TRDMT1: variants seen among roughly 807,000 people sequenced by gnomAD.
TRDMT1 encodes the protein tRNA aspartic acid methyltransferase 1.
Under a neutral mutation model 51.2 loss-of-function variants are expected in TRDMT1, and 49 were observed. The observed-to-expected ratio is 0.96, with a 90% CI of 0.76 to 1.21. TRDMT1 has a LOEUF of 1.21. TRDMT1 is among the 50% of genes most tolerant of loss of function. The pLI, the probability that TRDMT1 is intolerant of heterozygous loss-of-function variation, is 0.00. For missense variants in TRDMT1, 534 were observed against 462.3 expected, an observed-to-expected ratio of 1.16 and a Z score of -1.42; for synonymous variants, 187 against 164.6, an observed-to-expected ratio of 1.14 and a Z score of -1.04.
chr10:17,138,839 CA>C lies in TRDMT1; in HGVS notation c.*10200del. ...AAATTCAAATCCAGAGGGACAAACGCAATAGGGGAATAGGGCTTTGGAGGAG... is the reference window on the plus strand; with the variant it reads ...AAATTCAAATCCAGAGGGACAAACGCATAGGGGAATAGGGCTTTGGAGGAG... On this transcript the variant is annotated 3_prime_UTR_variant, in exon 11 of 11. Coordinates refer to ENST00000377799, the MANE Select transcript of TRDMT1 (RefSeq NM_004412.7). Among the ~76,000 whole-genome samples, 1 of 151,776 alleles carries C rather than the reference CA, an allele frequency of 6.6e-6. No individual in the cohort carries two copies. The highest frequency in any genetic ancestry group is 6.6e-5 in the Admixed American group (1 of 15,248).
intron 10 of TRDMT1, chr10:17,150,476 G>T (rs1588698653): frequency 4.1e-6 from 4 of 985,274 alleles, no homozygotes; most frequent in Non-Finnish European, 4.8e-6. Context: ...AAGGCCCATG[G>T]ATCCCTTATA....
In TRDMT1 at chr10:17,144,872, A is replaced by G. The variant is rs890595022; in HGVS notation, c.*4168T>C. On this transcript the variant is annotated 3_prime_UTR_variant, in exon 11 of 11. Transcript: ENST00000377799. ...ACCAGCAAAGACAAGAAATAGTGAA[A>G]GGGAAAATGATGCACACAGGTTGAC... 9 of 985,252 alleles carry G rather than the reference A, an allele frequency of 9.1e-6. No homozygotes were observed. Among genetic ancestry groups the G allele is most frequent in the Non-Finnish European group, 1.1e-5 (9 of 829,934 alleles). 61.0% of individuals were successfully genotyped at this position (985,252 alleles called of 1,614,324 possible). A position where few individuals can be genotyped will look rare whatever the true frequency, so the allele number is the denominator to read the frequency against.
chr10:17,190,786 T>C (rs1844589967), intron 1 of TRDMT1, among the ~76,000 whole-genome samples: 1 of 152,186 alleles, frequency 6.6e-6, no homozygotes, highest in Non-Finnish European at 1.5e-5. Context: ...CATTCACGCA[T>C]TCAACAAGTA....
chr10:17,186,913 A>G (rs1423493066), intron 1 of TRDMT1, among the ~76,000 whole-genome samples: 1 of 152,226 alleles, frequency 6.6e-6, no homozygotes, highest in Non-Finnish European at 1.5e-5. Flanking sequence ...AAGTAAAGAA[A>G]GAAAGCTATA....
intron 8 of TRDMT1, 139 bp from the exon 9 acceptor site, chr10:17,154,873 C>T: frequency 1.4e-6 from 1 of 697,224 alleles, no homozygotes; most frequent in Non-Finnish European, 2.2e-6. Flanking sequence ...CATAAATATC[C>T]TTTGTAGGTA....
intron 8 of TRDMT1, among the ~76,000 whole-genome samples, chr10:17,155,096 G>A (rs778400197): frequency 4.6e-5 from 7 of 151,932 alleles, no homozygotes; most frequent in Non-Finnish European, 7.4e-5. Flanking sequence ...GTGGTGGTGC[G>A]TGCCTACCTC....
intron 1 of TRDMT1, among the ~76,000 whole-genome samples, chr10:17,180,657 T>C (rs187842427): frequency 1.2e-4 from 19 of 152,250 alleles, no homozygotes; most frequent in African/African-American, 3.4e-4. Flanking sequence ...CTTATAACTG[T>C]CTATTAGGAG....
At chr10:17,158,624 A>C (rs2131413388) in intron 7 of TRDMT1, among the ~76,000 whole-genome samples, 1 of 152,282 alleles carries the variant, frequency 6.6e-6, no homozygotes. Flanking sequence ...AAAACTGCTC[A>C]CATAATTAGA....
chr10:17,193,059 C>T (rs1232348402), intron 1 of TRDMT1, among the ~76,000 whole-genome samples: 4 of 152,074 alleles, frequency 2.6e-5, no homozygotes, highest in African/African-American at 9.7e-5. Context: ...CCAGAGCAAT[C>T]CCTCAACAGA....
chr10:17,157,662 A>C lies in TRDMT1; in HGVS notation c.666T>G (p.Cys222Trp). The stretch of plus-strand genomic sequence containing the variant: ...TAAAAAGAATGGCATCTTTTCCAGA[A>C]CACTGTATGCTGCCATCAAAGCTAA... The part of the protein sequence containing the change: ...PNISFDGSIQ[C>W]SGKDAILFKL... Residue 222 changes from cysteine (C) to tryptophan (W), a missense_variant, in exon 8 of 11, where the codon TGT becomes TGG. Physicochemically the swap from Cys to Trp is radical, Grantham distance 215 (BLOSUM62 -2). Transcript: ENST00000377799. The C allele has an allele frequency of 6.2e-7, 1 of 1,613,568 alleles. No individual in the cohort carries two copies. The highest frequency in any genetic ancestry group is 8.5e-7 in the Non-Finnish European group (1 of 1,179,724).
rs1010794263 is a variant in TRDMT1 at position 17,147,430 on chromosome 10, T to C, written c.*1610A>G. 8.5e-6 allele frequency: 7 copies of C among 823,508 alleles called. No individual in the cohort carries two copies. Among genetic ancestry groups the C allele is most frequent in the Non-Finnish European group, 1.0e-5 (7 of 682,438 alleles). The allele number at this position is 823,508 out of a possible 1,614,324, so 51.0% of individuals were successfully genotyped here. On this transcript the variant is annotated 3_prime_UTR_variant, in exon 11 of 11. Transcript: ENST00000377799. ...AATGTAAAATTTATCATTTTAACTA[T>C]TTTTAAATATACAGTTGCAGTGGCA...
chr10:17,199,778 C>T (rs1010085778), intron 1 of TRDMT1, among the ~76,000 whole-genome samples: 3 of 152,170 alleles, frequency 2.0e-5, no homozygotes, highest in African/African-American at 7.2e-5. Flanking sequence ...AGGAGAGAAG[C>T]TGGGAAGCTA....
chr10:17,161,019 G>A (rs1332901824), intron 5 of TRDMT1, among the ~76,000 whole-genome samples: 3 of 152,152 alleles, frequency 2.0e-5, no homozygotes, highest in Non-Finnish European at 4.4e-5. Flanking sequence ...TCAGATGGGA[G>A]CACTGTTACA....
rs1192932115 is a variant in TRDMT1, at chr10:17,141,520, T to C, written c.*7520A>G. Among the ~76,000 whole-genome samples the C allele has an allele frequency of 1.4e-5, 2 of 141,662 alleles. No individual in the cohort carries two copies. Among genetic ancestry groups the C allele is most frequent in the African/African-American group, 5.2e-5 (2 of 38,598 alleles). The allele number at this position is 141,662 out of a possible 152,430, so 92.9% of individuals were successfully genotyped here. Reference sequence around the variant, plus strand: ...GTTTCCAGCCATTATTTAAATGCTCTTTCAGCTCCATTTTTTTCCCCTCTA... The same window carrying C: ...GTTTCCAGCCATTATTTAAATGCTCCTTCAGCTCCATTTTTTTCCCCTCTA... On this transcript the variant is annotated 3_prime_UTR_variant, in exon 11 of 11. Coordinates refer to ENST00000377799, the MANE Select transcript of TRDMT1 (RefSeq NM_004412.7).
intron 6 of TRDMT1, among the ~76,000 whole-genome samples, chr10:17,160,057 T>C (rs1840098922): frequency 6.6e-6 from 1 of 152,162 alleles, no homozygotes; most frequent in African/African-American, 2.4e-5. Context: ...ATGCTATCCT[T>C]TGCTCTCTAA....
rs372670283 is a variant in TRDMT1 at position 17,185,204 on chromosome 10, G to C, written c.65-10544C>G. Among the ~76,000 whole-genome samples, 9 of 152,256 alleles carry C rather than the reference G, an allele frequency of 5.9e-5. No homozygotes were observed. The South Asian group carries it at 1.9e-3, about 32-fold the overall frequency. ...CCATTATTATTATTGAAAGTGCAAAGACTTTTTAAAAATGAGAATATCAAA... is the reference window on the plus strand; with the variant it reads ...CCATTATTATTATTGAAAGTGCAAACACTTTTTAAAAATGAGAATATCAAA... On this transcript the variant is annotated intron_variant, in intron 1 of 10. Transcript: ENST00000377799.
chr10:17,169,281 T>TG, intron 2 of TRDMT1: 1 of 1,095,526 alleles, frequency 9.1e-7, no homozygotes, highest in Non-Finnish European at 1.2e-6. Context: ...TTCATGGAGA[T>TG]GGGGTCTAGG....
intron 9 of TRDMT1, 99 bp from the exon 10 acceptor site, chr10:17,153,735 C>T: frequency 7.8e-7 from 1 of 1,284,248 alleles, no homozygotes. Context: ...ATACAGTCTG[C>T]TGTAACACAC....
chr10:17,157,947 C>T (rs1352004282), intron 7 of TRDMT1, among the ~76,000 whole-genome samples, 163 bp from the exon 8 acceptor site: 2 of 151,950 alleles, frequency 1.3e-5, no homozygotes, highest in East Asian at 1.9e-4. Flanking sequence ...AGTTATTACA[C>T]GTTATTAATC....
Sources: gnomAD v4.1 joint callset for allele counts (sites outside exome capture counted in the v4.1 genomes callset) on GRCh38, gnomAD v4.1.1 for gene constraint, MANE v1.5 for transcripts, NCBI Gene and HGNC (gene_info 2026-07-23, HGNC 2026-07-21) for gene names.